Variants in HTR3B observed in about 807,000 individuals in gnomAD.
HTR3B encodes 5-hydroxytryptamine (serotonin) receptor 3B, ionotropic.
HTR3B carries 44 observed loss-of-function variants against 42.8 expected under a neutral mutation model. The observed-to-expected ratio is 1.03, with a 90% CI of 0.81 to 1.32. The LOEUF is 1.32. HTR3B is among the 40% of genes most tolerant of loss of function. The pLI, the probability that HTR3B is intolerant of heterozygous loss-of-function variation, is 0.00. For synonymous variants in HTR3B, 203 were observed against 209.0 expected, an observed-to-expected ratio of 0.97 and a Z score of 0.25; for missense variants, 527 against 536.5, an observed-to-expected ratio of 0.98 and a Z score of 0.17.
upstream of HTR3B, among the ~76,000 whole-genome samples, chr11:113,901,532 G>C (rs1207997316): frequency 6.6e-6 from 1 of 152,028 alleles, no homozygotes; most frequent in Non-Finnish European, 1.5e-5. Context: ...TAAGCCAGCT[G>C]ACAGTACAGA....
Position 113,932,138 on chromosome 11 carries a change from C to T in HTR3B, c.369-151C>T, listed in dbSNP as rs189173151. 35 of 677,888 alleles carry T rather than the reference C, an allele frequency of 5.2e-5. No homozygotes were observed. The Middle Eastern group carries it at 8.8e-4, about 17-fold the overall frequency. The allele number at this position is 677,888 out of a possible 1,614,324, so 42.0% of individuals were successfully genotyped here. ...CTGTCACTGAAAAGCTCATCTTTGC[C>T]AGGGTGAATCATCTCATGGAAAATG... On this transcript the variant is annotated intron_variant, in intron 4 of 8. Transcript: ENST00000260191.
At chr11:113,932,183 T>C (rs1292729480) in intron 4 of HTR3B, 106 bp from the exon 5 acceptor site, 2 of 890,840 alleles carry the variant, frequency 2.2e-6, no homozygotes, top group South Asian at 1.6e-5. Flanking sequence ...TTTGCAGGGC[T>C]AGGCTGGTCC....
intron 6 of HTR3B, among the ~76,000 whole-genome samples, chr11:113,939,990 G>A (rs1016724483): frequency 4.6e-5 from 7 of 151,428 alleles, no homozygotes; most frequent in African/African-American, 1.5e-4. Flanking sequence ...GAGTTCAAGC[G>A]ATTCTCCTGC....
chr11:113,943,961 G>A (rs1206312559), intron 7 of HTR3B, among the ~76,000 whole-genome samples: 3 of 151,874 alleles, frequency 2.0e-5, no homozygotes, highest in Non-Finnish European at 4.4e-5. Context: ...GGGAGGCTGA[G>A]GTGGGAGGAT....
At chr11:113,944,816 C>G in intron 8 of HTR3B, 61 bp downstream of exon 8, 3 of 1,522,778 alleles carry the variant, frequency 2.0e-6, no homozygotes, top group Non-Finnish European at 2.7e-6. Flanking sequence ...AATTCATTCC[C>G]GTTGATGATG....
intron 5 of HTR3B, 139 bp from the exon 6 acceptor site, chr11:113,932,797 C>G (rs1223822172): frequency 3.8e-6 from 3 of 796,506 alleles, no homozygotes; most frequent in East Asian, 2.5e-5. Flanking sequence ...ATCCCTACCC[C>G]CTAATTCAAA....
In HTR3B at chr11:113,948,718, C is replaced by G. The variant is rs537599147; in HGVS notation, c.*2581C>G. ...GTCTCTACTAAAAATACAAAATTAG[C>G]CAGGCGTGGTGGCACATGCCTGTAA... is the stretch of plus-strand genomic sequence containing the variant. On this transcript the variant is annotated 3_prime_UTR_variant, in exon 9 of 9. Coordinates refer to ENST00000260191, the MANE Select transcript of HTR3B (RefSeq NM_006028.5). Among the ~76,000 whole-genome samples, 68 of 152,218 alleles carry G rather than the reference C, an allele frequency of 4.5e-4. No individual in the cohort carries two copies. The highest frequency in any genetic ancestry group is 1.6e-3 in the African/African-American group (67 of 41,540).
intron 2 of HTR3B, among the ~76,000 whole-genome samples, chr11:113,915,358 A>T (rs752338189): frequency 1.6e-4 from 24 of 152,138 alleles, no homozygotes; most frequent in Non-Finnish European, 3.1e-4. Flanking sequence ...TGTTTTTGAG[A>T]TAGAGGCAAG....
Position 113,946,236 on chromosome 11 carries a change from C to G in HTR3B, c.*99C>G, listed in dbSNP as rs760269769. On this transcript the variant is annotated 3_prime_UTR_variant, in exon 9 of 9. Coordinates refer to ENST00000260191, the MANE Select transcript of HTR3B (RefSeq NM_006028.5). ...GCTTTCTGGGTCGGGTGTGGTGGTT[C>G]TTGCCTATAGTCCCAGTGCTTTGGG... 8 of 919,258 alleles carry G rather than the reference C, an allele frequency of 8.7e-6. No individual in the cohort carries two copies. The highest frequency in any genetic ancestry group is 1.2e-5 in the Non-Finnish European group (7 of 590,468). The allele number at this position is 919,258 out of a possible 1,614,324, so 56.9% of individuals were successfully genotyped here.
intron 1 of HTR3B, among the ~76,000 whole-genome samples, chr11:113,908,250 C>T (rs1354609105): frequency 6.6e-6 from 1 of 152,186 alleles, no homozygotes; most frequent in African/African-American, 2.4e-5. Flanking sequence ...AGTGACATGA[C>T]ATCATTCATA....
rs1950052514 is a variant in HTR3B, at chr11:113,933,000, T to C, written c.603T>C (p.Phe201=). ...PEDIQHDKKA[F]LNDSEWELLS... is the part of the protein sequence containing the mutation. ...ACATTCAGCATGACAAAAAGGCGTT[T>C]TTGAATGACAGTGAGTGGGAACTTC... The change falls in exon 6 of 9, where the codon TTT becomes TTC. Residue 201 remains phenylalanine, a synonymous_variant. Transcript: ENST00000260191. The C allele has an allele frequency of 6.2e-7, 1 of 1,614,010 alleles. No individual in the cohort carries two copies. Among genetic ancestry groups the C allele is most frequent in the African/African-American group, 1.3e-5 (1 of 74,916 alleles).
intron 6 of HTR3B, among the ~76,000 whole-genome samples, chr11:113,936,222 G>A (rs1169969139): frequency 1.3e-5 from 2 of 152,058 alleles, no homozygotes; most frequent in African/African-American, 4.8e-5. Context: ...AAGAATGAGG[G>A]TAGAAGTGGG....
At chr11:113,916,872 G>A (rs1949858634) in intron 2 of HTR3B, among the ~76,000 whole-genome samples, 1 of 152,032 alleles carries the variant, frequency 6.6e-6, no homozygotes, top group Non-Finnish European at 1.5e-5. Flanking sequence ...CTAGATATTG[G>A]TCTGGGATTC....
chr11:113,906,988 T>C (rs143623847), intron 1 of HTR3B, among the ~76,000 whole-genome samples: 126 of 152,298 alleles, frequency 8.3e-4, no homozygotes, highest in African/African-American at 2.8e-3. Context: ...ATCCTACAGA[T>C]ACATAGTGAC....
intron 6 of HTR3B, among the ~76,000 whole-genome samples, chr11:113,934,969 G>A (rs765748625): frequency 1.3e-5 from 2 of 151,980 alleles, no homozygotes; most frequent in African/African-American, 4.8e-5. Flanking sequence ...TACACTGCAC[G>A]GAGGAGACAA....
rs773480005 is a variant in HTR3B at position 113,931,348 on chromosome 11, C to T, written c.214-36C>T. ...AATTGGCCTTTGATTTATTGACATTCTAAGATTTGGAGTGGATTTTCTTTT... is the reference window on the plus strand; with the variant it reads ...AATTGGCCTTTGATTTATTGACATTTTAAGATTTGGAGTGGATTTTCTTTT... On this transcript the variant is annotated intron_variant, in intron 2 of 8. Coordinates refer to ENST00000260191, the MANE Select transcript of HTR3B (RefSeq NM_006028.5). 3.9e-6 allele frequency: 6 copies of T among 1,533,234 alleles called. No homozygotes were observed. The East Asian group carries it at 9.1e-5, about 23-fold the overall frequency. The allele number at this position is 1,533,234 out of a possible 1,614,324, so 95.0% of individuals were successfully genotyped here.
intron 2 of HTR3B, among the ~76,000 whole-genome samples, chr11:113,927,615 A>G (rs534390160): frequency 6.7e-6 from 1 of 148,660 alleles, no homozygotes; most frequent in East Asian, 2.0e-4. Context: ...CAGGCTGGAG[A>G]GCAGTGGCTC....
At chr11:113,925,243 A>G (rs911739362) in intron 2 of HTR3B, among the ~76,000 whole-genome samples, 1 of 152,024 alleles carries the variant, frequency 6.6e-6, no homozygotes, top group Non-Finnish European at 1.5e-5. Context: ...AATTTCGTAT[A>G]CCCAGTTCTG....
intron 2 of HTR3B, among the ~76,000 whole-genome samples, chr11:113,927,898 T>C (rs985023377): frequency 6.6e-6 from 1 of 152,186 alleles, no homozygotes; most frequent in African/African-American, 2.4e-5. Context: ...TAATTTTAAG[T>C]TCCAGGATAC....
Sources: gnomAD v4.1 joint callset for allele counts (sites outside exome capture counted in the v4.1 genomes callset) on GRCh38, gnomAD v4.1.1 for gene constraint, MANE v1.5 for transcripts, NCBI Gene and HGNC (gene_info 2026-07-23, HGNC 2026-07-21) for gene names.